The following JAKMIP2 variants were observed in gnomAD, a reference collection of about 807,000 sequenced individuals.
The protein encoded by JAKMIP2 is janus kinase and microtubule interacting protein 2, also known as janus kinase and microtubule-interacting protein 2.
JAKMIP2 carries 25 observed loss-of-function variants against 115.0 expected under a neutral mutation model. The ratio of observed to expected loss-of-function variants is 0.22; its 90% confidence interval spans 0.16 to 0.30. The LOEUF is 0.30. JAKMIP2 is among the 10% of genes least tolerant of loss of function. The pLI, the probability that JAKMIP2 is intolerant of heterozygous loss-of-function variation, is 1.00. For synonymous variants in JAKMIP2, 334 were observed against 343.6 expected (o/e 0.97, Z 0.31); for missense variants, 642 against 957.6 (o/e 0.67, Z 4.35).
At chr5:147,742,156 T>TATATATATA (rs1554084271) in intron 1 of JAKMIP2, among the ~76,000 whole-genome samples, 25 of 84,012 alleles carry the variant, frequency 3.0e-4, no homozygotes, top group African/African-American at 8.2e-4. Flanking sequence ...TATATATATA[T>TATATATATA]TTTTTTTACT....
rs944038203 is a variant in JAKMIP2 at position 147,587,513 on chromosome 5, C to G, written c.*4194G>C. 6.6e-6 allele frequency: 1 copy of G among 151,948 alleles called. No homozygotes were observed. 9.4% of individuals were successfully genotyped at this position (151,948 alleles called of 1,614,324 possible). A position where few individuals can be genotyped will look rare whatever the true frequency, so the allele number is the denominator to read the frequency against. On this transcript the variant is annotated 3_prime_UTR_variant, in exon 22 of 22. Transcript: ENST00000616793. ...ATTAAATATTTTAAAAATAAAATTT[C>G]TATGCTGTCCATCTATCTTGATGTA...
intron 1 of JAKMIP2, among the ~76,000 whole-genome samples, chr5:147,698,738 C>T (rs2126878884): frequency 6.6e-6 from 1 of 152,316 alleles, no homozygotes; most frequent in South Asian, 2.1e-4. Context: ...TTCCTGAGGC[C>T]TCCCTAGCCA....
chr5:147,626,166 A>C (rs1757083539), intron 16 of JAKMIP2, among the ~76,000 whole-genome samples: 1 of 152,228 alleles, frequency 6.6e-6, no homozygotes. Flanking sequence ...TGTGAATCCC[A>C]CAGACAAGAG....
At chr5:147,601,697 A>G (rs1279707303) in intron 21 of JAKMIP2, 44 bp downstream of exon 21, 5 of 1,380,360 alleles carry the variant, frequency 3.6e-6, no homozygotes, top group Non-Finnish European at 4.9e-6. Flanking sequence ...CTTTTTATCA[A>G]ATACCTCTTA....
intron 1 of JAKMIP2, among the ~76,000 whole-genome samples, chr5:147,702,165 T>C (rs1404927448): frequency 2.0e-5 from 3 of 152,114 alleles, no homozygotes; most frequent in African/African-American, 7.2e-5. Flanking sequence ...ACTATTTTAC[T>C]GGGGTTGATG....
chr5:147,616,906 A>G (rs949424623), intron 19 of JAKMIP2, among the ~76,000 whole-genome samples: 2 of 152,184 alleles, frequency 1.3e-5, no homozygotes, highest in Non-Finnish European at 2.9e-5. Context: ...TATTTGCCTC[A>G]TAAAAGAACC....
chr5:147,727,291 AG>A (rs539905636), intron 1 of JAKMIP2, among the ~76,000 whole-genome samples: 35 of 152,248 alleles, frequency 2.3e-4, no homozygotes, highest in Non-Finnish European at 4.8e-4. Context: ...AAAGTTTAAA[AG>A]CCAGAAATAT....
intron 12 of JAKMIP2, among the ~76,000 whole-genome samples, chr5:147,634,422 T>C (rs1365189373): frequency 6.6e-6 from 1 of 152,184 alleles, no homozygotes; most frequent in Non-Finnish European, 1.5e-5. Flanking sequence ...CATTAATAAA[T>C]GTAGTCGAGT....
chr5:147,687,172 C>G (rs1760613587), intron 1 of JAKMIP2, among the ~76,000 whole-genome samples: 1 of 152,210 alleles, frequency 6.6e-6, no homozygotes. Flanking sequence ...TGCTAATCAT[C>G]ATCATAATTG....
At chr5:147,611,990 G>A (rs866005303) in intron 20 of JAKMIP2, 4 of 452,862 alleles carry the variant, frequency 8.8e-6, no homozygotes, top group Non-Finnish European at 1.7e-5. Flanking sequence ...TTTAAAAAAA[G>A]AGCAAAGTAG....
At chr5:147,647,767 A>G (rs1758197584) in intron 5 of JAKMIP2, among the ~76,000 whole-genome samples, 1 of 152,190 alleles carries the variant, frequency 6.6e-6, no homozygotes, top group Non-Finnish European at 1.5e-5. Flanking sequence ...GATGCTGACT[A>G]CATCCATACT....
rs1754013975 is a variant in JAKMIP2, at chr5:147,738,582, G to A, written c.-149+43874C>T. Among the ~76,000 whole-genome samples the A allele has an allele frequency of 3.3e-5, 5 of 152,222 alleles. No individual in the cohort carries two copies. The South Asian group carries it at 1.0e-3, about 32-fold the overall frequency. On this transcript the variant is annotated intron_variant, in intron 1 of 21. Transcript: ENST00000616793. ...ATAGACATATAACAAGACTGCAATT[G>A]CAGATAATAAGACTGAAAATACCCT... is the stretch of plus-strand genomic sequence containing the variant.
chr5:147,745,577 T>C (rs1329374844), intron 1 of JAKMIP2, among the ~76,000 whole-genome samples: 1 of 152,196 alleles, frequency 6.6e-6, no homozygotes, highest in Non-Finnish European at 1.5e-5. Flanking sequence ...TTGATTTTTA[T>C]GGCCTTTTGT....
intron 1 of JAKMIP2, among the ~76,000 whole-genome samples, chr5:147,693,317 A>T (rs918540964): frequency 4.6e-5 from 7 of 152,318 alleles, no homozygotes; most frequent in African/African-American, 1.7e-4. Context: ...CTAATAAACT[A>T]ATACTGTTCA....
rs71001447 is a variant in JAKMIP2, at chr5:147,605,203, ATT to A, written c.2413-3394_2413-3393del. 1.2e-4 allele frequency among the ~76,000 whole-genome samples: 12 copies of A among 100,516 alleles called. No individual in the cohort carries two copies. In the South Asian group the frequency reaches 1.8e-3, roughly 15 times the overall value. The allele number at this position is 100,516 out of a possible 152,430, so 65.9% of individuals were successfully genotyped here. A position where few individuals can be genotyped will look rare whatever the true frequency, so the allele number is the denominator to read the frequency against. ...GTATTCCATGGTGTATATGTGCCAC[ATT>A]TTTTTTTTTTTTTTTTTTTTTTGAG... On this transcript the variant is annotated intron_variant, in intron 20 of 21. Coordinates refer to ENST00000616793, the MANE Select transcript of JAKMIP2 (RefSeq NM_001270941.2).
chr5:147,777,332 C>T (rs1276413531), intron 1 of JAKMIP2, among the ~76,000 whole-genome samples: 1 of 152,088 alleles, frequency 6.6e-6, no homozygotes, highest in African/African-American at 2.4e-5. Context: ...CTTGAATCGT[C>T]AAGAAAAATG....
intron 20 of JAKMIP2, 148 bp from the exon 21 acceptor site, chr5:147,601,959 C>T (rs572557916): frequency 3.1e-4 from 147 of 475,794 alleles, no homozygotes; most frequent in African/African-American, 2.8e-3. Flanking sequence ...AAATCCACAC[C>T]TTTTATGTAG....
At chr5:147,708,356 T>A (rs955537893) in intron 1 of JAKMIP2, among the ~76,000 whole-genome samples, 2 of 152,166 alleles carry the variant, frequency 1.3e-5, no homozygotes, top group Non-Finnish European at 2.9e-5. Context: ...TCTACCCATA[T>A]AAATCTGAAC....
At chr5:147,702,689 A>AAAGAAAGAAAGAGGAAG (rs1561547858) in intron 1 of JAKMIP2, among the ~76,000 whole-genome samples, 1 of 139,790 alleles carries the variant, frequency 7.2e-6, no homozygotes, top group Non-Finnish European at 1.5e-5. Flanking sequence ...AGAAAGAAAG[A>AAAGAAAGAAAGAGGAAG]AAAGAAAAGA....
Sources: gnomAD v4.1 joint callset for allele counts (sites outside exome capture counted in the v4.1 genomes callset) on GRCh38, gnomAD v4.1.1 for gene constraint, MANE v1.5 for transcripts, NCBI Gene and HGNC (gene_info 2026-07-23, HGNC 2026-07-21) for gene names.